Variants in WDFY3 observed in about 807,000 individuals in gnomAD.
WDFY3 encodes the protein WD repeat and FYVE domain containing 3.
Under a neutral mutation model 409.6 loss-of-function variants are expected in WDFY3, and 66 were observed. That is an observed-to-expected ratio of 0.16 (90% CI 0.13 to 0.20). The LOEUF (loss-of-function observed/expected upper bound fraction) is 0.20. Ranked by LOEUF, WDFY3 falls within the 10% of genes least tolerant of loss-of-function variation. The pLI is 1.00. For missense variants in WDFY3, 3,031 were observed against 4,298.1 expected (o/e 0.71, Z 8.24); for synonymous variants, 1,521 against 1,537.1 (o/e 0.99, Z 0.25).
intron 24 of WDFY3, among the ~76,000 whole-genome samples, chr4:84,784,887 T>TACACACACACACAC (rs1191175705): frequency 1.6e-5 from 1 of 62,342 alleles, no homozygotes; most frequent in African/African-American, 5.2e-5. Flanking sequence ...TATATATATA[T>TACACACACACACAC]ATATACACAC....
intron 48 of WDFY3, among the ~76,000 whole-genome samples, chr4:84,718,153 T>C (rs1354301671): frequency 1.3e-5 from 2 of 151,712 alleles, no homozygotes; most frequent in African/African-American, 2.4e-5. Context: ...CAGAATAAAT[T>C]TGTAAATATA....
intron 3 of WDFY3, among the ~76,000 whole-genome samples, chr4:84,861,013 C>T (rs1308959491): frequency 6.6e-6 from 1 of 152,032 alleles, no homozygotes; most frequent in African/African-American, 2.4e-5. Flanking sequence ...GAGCTCGAGA[C>T]CAGCCTGGGC....
At chr4:84,841,379 A>T in intron 5 of WDFY3, 116 bp from the exon 6 acceptor site, 1 of 781,576 alleles carries the variant, frequency 1.3e-6, no homozygotes, top group Non-Finnish European at 2.0e-6. Context: ...TATCAGCACT[A>T]TTACATATAG....
intron 2 of WDFY3, among the ~76,000 whole-genome samples, chr4:84,925,937 T>C (rs534756028): frequency 6.6e-6 from 1 of 151,946 alleles, no homozygotes; most frequent in Non-Finnish European, 1.5e-5. Context: ...ATTAAACATT[T>C]TTGCATGTTT....
intron 2 of WDFY3, among the ~76,000 whole-genome samples, chr4:84,917,942 T>C (rs6833661): frequency 0.49 from 74,089 of 151,984 alleles, 21,026 homozygotes; most frequent in African/African-American, 0.79. Flanking sequence ...CTCTGATAGA[T>C]GGGAAAGGAT....
intron 2 of WDFY3, among the ~76,000 whole-genome samples, chr4:84,919,105 A>G (rs1325918158): frequency 6.6e-6 from 1 of 152,124 alleles, no homozygotes; most frequent in Non-Finnish European, 1.5e-5. Context: ...GGGAACATGT[A>G]AAAGGATACA....
At chr4:84,715,055 T>C (rs1455788751) in intron 50 of WDFY3, among the ~76,000 whole-genome samples, 3 of 152,148 alleles carry the variant, frequency 2.0e-5, no homozygotes, top group Admixed American at 6.5e-5. Flanking sequence ...GTGATAAAAG[T>C]AGTTTTTGAT....
rs112209075 is a variant in WDFY3 at position 84,683,812 on chromosome 4, T to A, written c.9726+131A>T. The A allele has an allele frequency of 2.3e-5, 21 of 919,772 alleles. No homozygotes were observed. The African/African-American group carries it at 2.7e-4, about 12-fold the overall frequency. The allele number at this position is 919,772 out of a possible 1,614,324, so 57.0% of individuals were successfully genotyped here. A position where few individuals can be genotyped will look rare whatever the true frequency, so the allele number is the denominator to read the frequency against. On this transcript the variant is annotated intron_variant, in intron 63 of 67. Transcript: ENST00000295888. Reference sequence around the variant, plus strand: ...GTCTGATAACGCAGAGGCCAAGGCCTGTCTGAGCTGGAGCGAGAGTTCACT... The same window carrying A: ...GTCTGATAACGCAGAGGCCAAGGCCAGTCTGAGCTGGAGCGAGAGTTCACT...
chr4:84,932,444 T>C (rs1313444881), intron 1 of WDFY3, 81 bp from the exon 2 acceptor site: 1 of 152,236 alleles, frequency 6.6e-6, no homozygotes, highest in Non-Finnish European at 1.5e-5. Flanking sequence ...TGATTCTCTT[T>C]ACCTCCTTAC....
chr4:84,760,665 T>G (rs1742396724), intron 32 of WDFY3, among the ~76,000 whole-genome samples: 2 of 151,794 alleles, frequency 1.3e-5, no homozygotes, highest in Non-Finnish European at 2.9e-5. Context: ...CCTTTATCAT[T>G]TTTTATTGCA....
At chr4:84,789,620 A>G in intron 22 of WDFY3, 106 bp downstream of exon 22, 1 of 1,213,308 alleles carries the variant, frequency 8.2e-7, no homozygotes, top group African/African-American at 1.6e-5. Flanking sequence ...GTAATTTTAA[A>G]AATATCCCTG....
intron 2 of WDFY3, among the ~76,000 whole-genome samples, chr4:84,899,736 T>C (rs1005976848): frequency 6.6e-6 from 1 of 152,086 alleles, no homozygotes; most frequent in Non-Finnish European, 1.5e-5. Context: ...ACCCTGGCAC[T>C]AAAGAAATAA....
At chr4:84,929,475 C>A (rs918967550) in intron 2 of WDFY3, among the ~76,000 whole-genome samples, 2 of 151,176 alleles carry the variant, frequency 1.3e-5, no homozygotes, top group Non-Finnish European at 2.9e-5. Context: ...TTGCGCCCCC[C>A]CCCCCAAATT....
At chr4:84,943,521 C>G (rs1772411324) in intron 1 of WDFY3, among the ~76,000 whole-genome samples, 1 of 151,908 alleles carries the variant, frequency 6.6e-6, no homozygotes, top group Non-Finnish European at 1.5e-5. Context: ...AAAAAGAATA[C>G]AGTATATAAT....
chr4:84,847,409 T>TA (rs903152281), intron 5 of WDFY3, among the ~76,000 whole-genome samples: 20 of 151,864 alleles, frequency 1.3e-4, no homozygotes, highest in East Asian at 1.2e-3. Flanking sequence ...AACAAATTGA[T>TA]AAAAAAACCT....
rs765064481 is a variant in WDFY3, at chr4:84,678,967, G to A, written c.10099C>T (p.Pro3367Ser). The A allele has an allele frequency of 1.9e-6, 3 of 1,614,136 alleles. No homozygotes were observed. In the South Asian group the frequency reaches 3.3e-5, roughly 18 times the overall value. Residue 3367 changes from proline to serine, a missense_variant, in exon 65 of 68, where the codon CCC (proline) becomes TCC (serine). Around this residue, in one of 16 missense-constraint regions of WDFY3, gnomAD observed 378 missense variants for 477.3 expected, o/e 0.79. Transcript: ENST00000295888. The stretch of plus-strand genomic sequence containing the variant: ...CGCACCTCAATGGGATTGGGGTGGG[G>A]GTGGCTAAGGGGGCCCTGCAGATGG... Reference protein sequence around the residue: ...RAHLQGPLSHPHPNPIEVRNY... With the variant: ...RAHLQGPLSHSHPNPIEVRNY...
At chr4:84,937,274 G>A (rs374513226) in intron 1 of WDFY3, among the ~76,000 whole-genome samples, 2 of 152,094 alleles carry the variant, frequency 1.3e-5, no homozygotes, top group East Asian at 1.9e-4. Context: ...CATATCACAT[G>A]CTGATACACT....
Position 84,776,095 on chromosome 4 carries a change from T to A in WDFY3, c.4519-957A>T, listed in dbSNP as rs547857782. Among the ~76,000 whole-genome samples, 19 of 152,140 alleles carry A rather than the reference T, an allele frequency of 1.2e-4. No homozygotes were observed. In the East Asian group the frequency reaches 3.1e-3, roughly 25 times the overall value. Reference sequence around the variant, plus strand: ...TGTTTTTTGAAAATAATTGATCATTTAAAGCAAAAATAATACAAACTATCG... The same window carrying A: ...TGTTTTTTGAAAATAATTGATCATTAAAAGCAAAAATAATACAAACTATCG... On this transcript the variant is annotated intron_variant, in intron 27 of 67. Coordinates refer to ENST00000295888, the MANE Select transcript of WDFY3 (RefSeq NM_014991.6).
chr4:84,875,168 T>C (rs1480976718), intron 3 of WDFY3, among the ~76,000 whole-genome samples: 1 of 151,624 alleles, frequency 6.6e-6, no homozygotes, highest in Admixed American at 6.6e-5. Context: ...CTCAGGGGGC[T>C]GAGGCAGGAG....
Sources: gnomAD v4.1 joint callset for allele counts (sites outside exome capture counted in the v4.1 genomes callset) on GRCh38, gnomAD v4.1.1 for gene constraint, gnomAD v4.1.1 regional missense constraint, MANE v1.5 for transcripts, NCBI Gene and HGNC (gene_info 2026-07-23, HGNC 2026-07-21) for gene names.